Variants in TUT1 observed in about 807,000 individuals in gnomAD.
TUT1 encodes the protein speckle targeted PIP5K1A-regulated poly(A) polymerase.
In TUT1, 26 loss-of-function variants were observed where a neutral mutation model predicts 48.8. That is an observed-to-expected ratio of 0.53 (90% CI 0.39 to 0.74). TUT1 has a LOEUF of 0.74. TUT1 is among the 30% of genes least tolerant of loss of function. The pLI is 0.00. For synonymous variants in TUT1, 470 were observed against 460.8 expected (o/e 1.02, Z -0.26); for missense variants, 1,065 against 1,114.8 (o/e 0.96, Z 0.64).
rs746211412 is a variant in TUT1 at position 62,581,661 on chromosome 11, C to G, written c.314G>C (p.Arg105Pro). 1 of 1,499,834 alleles carries G rather than the reference C, an allele frequency of 6.7e-7. No individual in the cohort carries two copies. Among genetic ancestry groups the G allele is most frequent in the Non-Finnish European group, 8.9e-7 (1 of 1,123,254 alleles). The allele number at this position is 1,499,834 out of a possible 1,614,324, so 92.9% of individuals were successfully genotyped here. The change falls in exon 3 of 9, where the codon CGA (arginine) becomes CCA (proline). Residue 105 changes from arginine (R) to proline (P), a missense_variant. Coordinates refer to ENST00000476907, the MANE Select transcript of TUT1 (RefSeq NM_022830.3). ...CTGGGACTGTGACAAGACAGCCTCTCGAGCACCCACGTCCCCCATCTCCAC... is the reference window on the plus strand; with the variant it reads ...CTGGGACTGTGACAAGACAGCCTCTGGAGCACCCACGTCCCCCATCTCCAC... Reference protein sequence around the residue: ...AIVEMGDVGAREAVLSQSQHS... With the variant: ...AIVEMGDVGAPEAVLSQSQHS...
intron 2 of TUT1, among the ~76,000 whole-genome samples, chr11:62,586,634 G>C (rs1036841739): frequency 2.0e-5 from 3 of 151,982 alleles, no homozygotes; most frequent in African/African-American, 4.8e-5. Context: ...CAAAAAATTA[G>C]GCCAGGCACA....
intron 4 of TUT1, 67 bp from the exon 5 acceptor site, chr11:62,579,097 T>C: frequency 8.1e-7 from 1 of 1,228,436 alleles, no homozygotes; most frequent in Non-Finnish European, 1.1e-6. Context: ...CTCAAGATAA[T>C]ATTACTTCCA....
chr11:62,576,264 G>A lies in TUT1; in HGVS notation c.1475-20C>T, dbSNP rs1001249054. The A allele has an allele frequency of 6.6e-6, 10 of 1,525,868 alleles. No individual in the cohort carries two copies. Among genetic ancestry groups the A allele is most frequent in the Non-Finnish European group, 8.8e-6 (10 of 1,139,964 alleles). The allele number at this position is 1,525,868 out of a possible 1,614,324, so 94.5% of individuals were successfully genotyped here. On this transcript the variant is annotated intron_variant, in intron 8 of 8. Coordinates refer to ENST00000476907, the MANE Select transcript of TUT1 (RefSeq NM_022830.3). Reference sequence around the variant, plus strand: ...GGGAACCTGGAGGAGGAGGAAGAGTGGGGAAAGGGGGGTCACTTAGAGGCC... The same window carrying A: ...GGGAACCTGGAGGAGGAGGAAGAGTAGGGAAAGGGGGGTCACTTAGAGGCC...
At chr11:62,584,254 A>T (rs1430273614) in intron 2 of TUT1, among the ~76,000 whole-genome samples, 2 of 149,848 alleles carry the variant, frequency 1.3e-5, no homozygotes, top group African/African-American at 4.9e-5. Flanking sequence ...CAGCCTCCCT[A>T]GTAGCTGGAA....
chr11:62,587,947 T>A (rs1369490272), intron 2 of TUT1, among the ~76,000 whole-genome samples: 1 of 152,256 alleles, frequency 6.6e-6, no homozygotes, highest in Non-Finnish European at 1.5e-5. Context: ...ACAACCTTAG[T>A]ACCCTCAGTG....
At position 62,575,348 on chromosome 11, in the gene TUT1, C is replaced by G. The variant is rs772352087; in HGVS notation, c.2371G>C (p.Glu791Gln). ...GTGCCAGCGCCACCTCCAGCTCCCT[C>G]CTTGGTTTGCTGCTGCAAGCGTCTA... Reference protein sequence around the residue: ...ARRRLQQQTKEGAGGGAGTRA... With the variant: ...ARRRLQQQTKQGAGGGAGTRA... The change falls in exon 9 of 9, where the codon GAG (glutamate) becomes CAG (glutamine). Residue 791 changes from glutamate (E) to glutamine (Q), a missense_variant. Glu to Gln is a conservative substitution (Grantham distance 29, BLOSUM62 2). Coordinates refer to ENST00000476907, the MANE Select transcript of TUT1 (RefSeq NM_022830.3). The G allele has an allele frequency of 6.2e-7, 1 of 1,614,084 alleles. No individual in the cohort carries two copies. Among genetic ancestry groups the G allele is most frequent in the Non-Finnish European group, 8.5e-7 (1 of 1,180,036 alleles).
rs1196628201 is a variant in TUT1, at chr11:62,578,575, G to A, written c.1146C>T (p.Val382=). The stretch of plus-strand genomic sequence containing the variant: ...AAGAAAGGTACCGGTTACTGAGGGA[G>A]ACATCACCGTGGAGACCTGAAGGCC... ...CHRPSGLHGD[V]SLSNRLALHN... is the part of the protein sequence containing the mutation. The change falls in exon 5 of 9, where the codon GTC becomes GTT. Residue 382 remains valine (V), a synonymous_variant. Transcript: ENST00000476907. The A allele has an allele frequency of 1.2e-6, 2 of 1,601,812 alleles. No homozygotes were observed. The highest frequency in any genetic ancestry group is 1.3e-5 in the African/African-American group (1 of 74,266).
At chr11:62,589,242 C>T (rs769351308) in intron 1 of TUT1, 21 bp from the exon 2 acceptor site, 9 of 1,610,584 alleles carry the variant, frequency 5.6e-6, no homozygotes, top group Non-Finnish European at 7.6e-6. Context: ...AAGTGTGAGA[C>T]AAAAACATGC....
intron 2 of TUT1, among the ~76,000 whole-genome samples, chr11:62,586,865 C>T (rs1410163083): frequency 6.6e-6 from 1 of 151,016 alleles, no homozygotes; most frequent in East Asian, 2.0e-4. Context: ...CCACCACACC[C>T]AGCTAATTTT....
intron 5 of TUT1, among the ~76,000 whole-genome samples, chr11:62,578,213 C>T (rs1231784537): frequency 6.6e-6 from 1 of 151,964 alleles, no homozygotes; most frequent in East Asian, 1.9e-4. Context: ...CAGGAGTTTC[C>T]CAAGCCAGAC....
At chr11:62,581,073 T>C (rs1186919952) in intron 4 of TUT1, 33 bp downstream of exon 4, 10 of 1,581,970 alleles carry the variant, frequency 6.3e-6, no homozygotes, top group Admixed American at 1.7e-5. Context: ...CTCATGGACT[T>C]TTCCCAGCTG....
At chr11:62,585,231 C>T (rs1410407896) in intron 2 of TUT1, among the ~76,000 whole-genome samples, 1 of 152,158 alleles carries the variant, frequency 6.6e-6, no homozygotes, top group Admixed American at 6.6e-5. Flanking sequence ...AGCGAACCTC[C>T]CGCCTCAGCC....
Position 62,589,181 on chromosome 11 carries a change from C to T in TUT1, c.123G>A (p.Arg41=), listed in dbSNP as rs1247032740. Residue 41 remains arginine, a synonymous_variant, in exon 2 of 9, where the codon CGG becomes CGA. Coordinates refer to ENST00000476907, the MANE Select transcript of TUT1 (RefSeq NM_022830.3). ...LDAHLGGRKH[R]HLVELRAARK... is the part of the protein sequence containing the mutation. ...TCGCAGCTCGTAGTTCTACCAGGTG[C>T]CGGTGCTTTCTGCCTCCCAAGTGGG... 1 of 1,614,210 alleles carries T rather than the reference C, an allele frequency of 6.2e-7. No homozygotes were observed. The highest frequency in any genetic ancestry group is 1.1e-5 in the South Asian group (1 of 91,086).
At chr11:62,580,551 C>T (rs369849711) in intron 4 of TUT1, among the ~76,000 whole-genome samples, 1 of 150,442 alleles carries the variant, frequency 6.6e-6, no homozygotes, top group Admixed American at 6.6e-5. Flanking sequence ...ATTGCACACA[C>T]CATTTTGAAA....
rs753578596 is a variant in TUT1 at position 62,578,597 on chromosome 11, G to A, written c.1124C>T (p.Pro375Leu). 4.3e-6 allele frequency: 7 copies of A among 1,612,742 alleles called. No homozygotes were observed. The South Asian group carries it at 5.5e-5, about 13-fold the overall frequency. Residue 375 changes from proline (P) to leucine (L), a missense_variant, in exon 5 of 9, where the codon CCT (proline) becomes CTT (leucine). Physicochemically the swap from Pro to Leu is moderately conservative, Grantham distance 98 (BLOSUM62 -3). Transcript: ENST00000476907. ...RRPVVKFCHR[P>L]SGLHGDVSLS... ...GGAGACATCACCGTGGAGACCTGAA[G>A]GCCGATGACAGAACTTGACCACAGG...
chr11:62,575,369 G>A lies in TUT1; in HGVS notation c.2350C>T (p.Arg784Cys), dbSNP rs1170853159. 1 of 1,613,556 alleles carries A rather than the reference G, an allele frequency of 6.2e-7. No individual in the cohort carries two copies. The highest frequency in any genetic ancestry group is 1.7e-5 in the Admixed American group (1 of 60,020). The change falls in exon 9 of 9, where the codon CGC becomes TGC. Residue 784 changes from arginine (R) to cysteine (C), a missense_variant. Physicochemically the swap from Arg to Cys is radical, Grantham distance 180. Transcript: ENST00000476907. Reference sequence around the variant, plus strand: ...CCCTCCTTGGTTTGCTGCTGCAAGCGTCTACGGGCTCGCCGCCGCCCTTGC... The same window carrying A: ...CCCTCCTTGGTTTGCTGCTGCAAGCATCTACGGGCTCGCCGCCGCCCTTGC... ...VWQGRRRARR[R>C]LQQQTKEGAG...
At position 62,578,682 on chromosome 11, in the gene TUT1, T is replaced by C. The variant is rs752441405; in HGVS notation, c.1039A>G (p.Ile347Val). Residue 347 changes from isoleucine to valine, a missense_variant, in exon 5 of 9, where the codon ATT (isoleucine) becomes GTT (valine). Ile to Val is a conservative substitution (Grantham distance 29). Transcript: ENST00000476907. ...ACCCCAGGGACACAGCCCCGGAGAA[T>C]GGATCCCACCAGCTCCAGCATTGCT... The part of the protein sequence containing the change: ...GAAMLELVGS[I>V]LRGCVPGVYR... 6.2e-7 allele frequency: 1 copy of C among 1,614,204 alleles called. No homozygotes were observed. The highest frequency in any genetic ancestry group is 1.1e-5 in the South Asian group (1 of 91,086).
Position 62,576,970 on chromosome 11 carries a change from A to G in TUT1, c.1318T>C (p.Tyr440His). Residue 440 changes from tyrosine (Y) to histidine (H), a missense_variant, in exon 7 of 9, where the codon TAT (tyrosine) becomes CAT (histidine). Tyr to His is a moderately conservative substitution (Grantham distance 83). Coordinates refer to ENST00000476907, the MANE Select transcript of TUT1 (RefSeq NM_022830.3). Reference sequence around the variant, plus strand: ...GGAGGGTCCCTGGTCTGAAGAAAATAGATCACCAGCAAGGTCAGGGCGTAG... The same window carrying G: ...GGAGGGTCCCTGGTCTGAAGAAAATGGATCACCAGCAAGGTCAGGGCGTAG... ...SNYALTLLVI[Y>H]FLQTRDPPVL... 6.2e-7 allele frequency: 1 copy of G among 1,614,152 alleles called. No individual in the cohort carries two copies. The highest frequency in any genetic ancestry group is 8.5e-7 in the Non-Finnish European group (1 of 1,180,026).
chr11:62,575,750 T>TC lies in TUT1; in HGVS notation c.1968dup (p.Thr657AspfsTer15). 6.2e-7 allele frequency: 1 copy of TC among 1,614,134 alleles called. No homozygotes were observed. Among genetic ancestry groups the TC allele is most frequent in the Non-Finnish European group, 8.5e-7 (1 of 1,180,020 alleles). Reference sequence around the variant, plus strand: ...CCATCTACTTTGAGTCTTTTGCTTGTCCCTCCCTGAGAGGACTCCCCAGTT... The same window carrying TC: ...CCATCTACTTTGAGTCTTTTGCTTGTCCCCTCCCTGAGAGGACTCCCCAGTT... On this transcript the variant is annotated frameshift_variant, in exon 9 of 9. Transcript: ENST00000476907. LOFTEE classifies it low-confidence loss of function (END_TRUNC).
Sources: allele counts gnomAD v4.1 joint callset (sites outside exome capture counted in the v4.1 genomes callset), GRCh38; gene constraint gnomAD v4.1.1; transcripts MANE v1.5; gene names NCBI Gene and HGNC (gene_info 2026-07-23, HGNC 2026-07-21).